Variants in SMARCB1 observed in about 807,000 individuals in gnomAD.
SMARCB1 encodes the protein SWI/SNF-related matrix-associated actin-dependent regulator of chromatin subfamily B member 1.
Under a neutral mutation model 49.0 loss-of-function variants are expected in SMARCB1, and 5 were observed. That is an observed-to-expected ratio of 0.10 (90% CI 0.05 to 0.21). The LOEUF (loss-of-function observed/expected upper bound fraction) is 0.21, where lower values mean the gene tolerates loss of function less well. Among genes scored for constraint, SMARCB1 ranks in the 10% least tolerant of loss-of-function variants. SMARCB1 has a pLI of 1.00. For missense variants in SMARCB1, 226 were observed against 509.2 expected, an observed-to-expected ratio of 0.44 and a Z score of 5.35; for synonymous variants, 201 against 200.1, an observed-to-expected ratio of 1.00 and a Z score of -0.04.
Position 23,834,899 on chromosome 22 carries a change from A to G in SMARCB1, c.*719A>G, listed in dbSNP as rs2146049581. The G allele has an allele frequency of 5.6e-6, 9 of 1,611,848 alleles. No individual in the cohort carries two copies. Among genetic ancestry groups the G allele is most frequent in the Non-Finnish European group, 7.6e-6 (9 of 1,179,626 alleles). On this transcript the variant is annotated 3_prime_UTR_variant, in exon 9 of 9. Transcript: ENST00000644036. ...TCTGCTGTGTCCAGATGGTCAGGCT[A>G]CTGCCAGCTGGGGCCTTGCTGCTCT... is the stretch of plus-strand genomic sequence containing the variant.
chr22:23,808,698 CTTTT>C (rs533109746), intron 5 of SMARCB1, among the ~76,000 whole-genome samples: 1 of 140,682 alleles, frequency 7.1e-6, no homozygotes. Flanking sequence ...ATTGGACATT[CTTTT>C]TTTTTTTTTT....
At chr22:23,811,587 T>G (rs1230796977) in intron 5 of SMARCB1, among the ~76,000 whole-genome samples, 1 of 152,198 alleles carries the variant, frequency 6.6e-6, no homozygotes, top group African/African-American at 2.4e-5. Context: ...AATAACAGAC[T>G]TCTAAATAAT....
At chr22:23,800,417 A>T (rs1487100965) in intron 3 of SMARCB1, among the ~76,000 whole-genome samples, 1 of 152,158 alleles carries the variant, frequency 6.6e-6, no homozygotes, top group Non-Finnish European at 1.5e-5. Flanking sequence ...TGACAGCCTG[A>T]TCATGTCTCT....
intron 7 of SMARCB1, among the ~76,000 whole-genome samples, chr22:23,831,319 T>G (rs1349527063): frequency 6.6e-6 from 1 of 152,260 alleles, no homozygotes; most frequent in South Asian, 2.1e-4. Flanking sequence ...CTCAAGATAC[T>G]CGACCGGCAT....
At position 23,817,152 on chromosome 22, in the gene SMARCB1, G is replaced by C. The variant is rs140624733; in HGVS notation, c.795+216G>C. 1,787 of 604,534 alleles carry C rather than the reference G, an allele frequency of 3.0e-3. 33 individuals are homozygous for C. The highest frequency in any genetic ancestry group is 0.023 in the Admixed American group (818 of 35,802). 37.4% of individuals were successfully genotyped at this position (604,534 alleles called of 1,614,324 possible). Reference sequence around the variant, plus strand: ...AGTGTTATATTCCGGACACATTCAGGGGGTGTCTCTGAGGCACTGCCAGGC... The same window carrying C: ...AGTGTTATATTCCGGACACATTCAGCGGGTGTCTCTGAGGCACTGCCAGGC... On this transcript the variant is annotated intron_variant, in intron 6 of 8. Transcript: ENST00000644036.
At chr22:23,789,148 C>G (rs962097410) in intron 1 of SMARCB1, among the ~76,000 whole-genome samples, 17 of 152,208 alleles carry the variant, frequency 1.1e-4, no homozygotes, top group Non-Finnish European at 2.5e-4. Flanking sequence ...TGTGCCTGGC[C>G]TCCACTAATT....
At chr22:23,833,880 C>G (rs556088704) in intron 8 of SMARCB1, among the ~76,000 whole-genome samples, 177 bp downstream of exon 8, 1 of 152,226 alleles carries the variant, frequency 6.6e-6, no homozygotes, top group South Asian at 2.1e-4. Flanking sequence ...GGGTATGTTT[C>G]CCTGCATGGA....
intron 5 of SMARCB1, among the ~76,000 whole-genome samples, chr22:23,804,814 T>A (rs1326411419): frequency 6.6e-6 from 1 of 152,252 alleles, no homozygotes; most frequent in Non-Finnish European, 1.5e-5. Flanking sequence ...CTGCTGGGAT[T>A]ACAGGCGTGA....
Position 23,834,721 on chromosome 22 carries a change from G to A in SMARCB1, c.*541G>A, listed in dbSNP as rs1009648645. The A allele has an allele frequency of 4.2e-6, 6 of 1,430,472 alleles. No homozygotes were observed. In the African/African-American group the frequency reaches 7.1e-5, roughly 17 times the overall value. 88.6% of individuals were successfully genotyped at this position (1,430,472 alleles called of 1,614,324 possible). A position where few individuals can be genotyped will look rare whatever the true frequency, so the allele number is the denominator to read the frequency against. On this transcript the variant is annotated 3_prime_UTR_variant, in exon 9 of 9. Coordinates refer to ENST00000644036, the MANE Select transcript of SMARCB1 (RefSeq NM_003073.5). ...AGCTCCTCTCAGCTCCCCTCAGCCTGTTCTCCTTCCAGACCCAGAGAGCTG... is the reference window on the plus strand; with the variant it reads ...AGCTCCTCTCAGCTCCCCTCAGCCTATTCTCCTTCCAGACCCAGAGAGCTG...
At position 23,834,798 on chromosome 22, in the gene SMARCB1, A is replaced by G; in HGVS notation, c.*618A>G. Reference sequence around the variant, plus strand: ...AAGAGGCTCTCTGCCTTTCAGGAACAGCCCTAACCCTGCTCCCCTTGCTTG... The same window carrying G: ...AAGAGGCTCTCTGCCTTTCAGGAACGGCCCTAACCCTGCTCCCCTTGCTTG... On this transcript the variant is annotated 3_prime_UTR_variant, in exon 9 of 9. Coordinates refer to ENST00000644036, the MANE Select transcript of SMARCB1 (RefSeq NM_003073.5). 1.9e-6 allele frequency: 3 copies of G among 1,591,070 alleles called. No homozygotes were observed. In the South Asian group the frequency reaches 3.4e-5, roughly 18 times the overall value.
intron 3 of SMARCB1, among the ~76,000 whole-genome samples, chr22:23,798,052 A>G (rs1187063747): frequency 1.3e-5 from 2 of 152,206 alleles, no homozygotes; most frequent in Non-Finnish European, 2.9e-5. Context: ...AGAACTTGCT[A>G]CTGAGATAGG....
At chr22:23,823,674 A>G (rs2030224987) in intron 6 of SMARCB1, 1 of 152,238 alleles carries the variant, frequency 6.6e-6, no homozygotes, top group South Asian at 2.1e-4. Context: ...GCCCGCACGT[A>G]TAGTCGCAGC....
rs556114983 is a variant in SMARCB1, at chr22:23,832,403, G to A, written c.987-1169G>A. Reference sequence around the variant, plus strand: ...AGTGTCCACCTGGCGCCTCCCCCGAGTCCGGCCTGCCCTTGCTTCTCCCAG... The same window carrying A: ...AGTGTCCACCTGGCGCCTCCCCCGAATCCGGCCTGCCCTTGCTTCTCCCAG... On this transcript the variant is annotated intron_variant, in intron 7 of 8. Coordinates refer to ENST00000644036, the MANE Select transcript of SMARCB1 (RefSeq NM_003073.5). 4.6e-5 allele frequency among the ~76,000 whole-genome samples: 7 copies of A among 152,312 alleles called. No homozygotes were observed. In the South Asian group the frequency reaches 1.4e-3, roughly 32 times the overall value.
rs761056928 is a variant in SMARCB1 at position 23,833,614 on chromosome 22, G to A, written c.1029G>A (p.Thr343=). 9.3e-6 allele frequency: 15 copies of A among 1,614,104 alleles called. No homozygotes were observed. Among genetic ancestry groups the A allele is most frequent in the East Asian group, 2.2e-5 (1 of 44,896 alleles). The change falls in exon 8 of 9, where the codon ACG becomes ACA. Residue 343 remains threonine, a synonymous_variant. Transcript: ENST00000644036. The part of the protein sequence containing the change: ...LPTVEIAIRN[T]GDADQWCPLL... ...CAGTGGAGATTGCCATCCGGAACAC[G>A]GGCGATGCGGACCAGTGGTGCCCAC...
intron 5 of SMARCB1, chr22:23,803,836 T>A (rs1929326986): frequency 3.2e-6 from 1 of 314,940 alleles, no homozygotes. Context: ...TAACTGGTCA[T>A]CTCTAGACAT....
chr22:23,797,308 T>A (rs1419021291), intron 3 of SMARCB1, among the ~76,000 whole-genome samples: 11 of 122,420 alleles, frequency 9.0e-5, no homozygotes, highest in Non-Finnish European at 1.4e-4. Context: ...TGTTTTTTTT[T>A]ATTATTATTA....
Position 23,834,175 on chromosome 22 carries a change from T to C in SMARCB1, c.1153T>C (p.Trp385Arg). 1 of 1,591,328 alleles carries C rather than the reference T, an allele frequency of 6.3e-7. No individual in the cohort carries two copies. Among genetic ancestry groups the C allele is most frequent in the East Asian group, 2.3e-5 (1 of 43,402 alleles). ...MRRLANTAPA[W>R] ...GCGTCTTGCCAACACGGCCCCGGCC[T>C]GGTAACCAGCCCATCAGCACACGGC... The change falls in exon 9 of 9, where the codon TGG becomes CGG. Residue 385 changes from tryptophan to arginine, a missense_variant. Physicochemically the swap from Trp to Arg is moderately radical, Grantham distance 101. Transcript: ENST00000644036.
In SMARCB1 at chr22:23,837,582, G is replaced by A; in HGVS notation, c.*3402G>A. On this transcript the variant is annotated 3_prime_UTR_variant, in exon 9 of 9. Coordinates refer to ENST00000644036, the MANE Select transcript of SMARCB1 (RefSeq NM_003073.5). ...GGAGAACTCCAGCAAGGATGGGAGA[G>A]GGGCCCCAGGGCATAAGCAGCGTGT... 6.7e-7 allele frequency: 1 copy of A among 1,481,558 alleles called. No homozygotes were observed. Among genetic ancestry groups the A allele is most frequent in the Non-Finnish European group, 9.1e-7 (1 of 1,093,392 alleles). The allele number at this position is 1,481,558 out of a possible 1,614,324, so 91.8% of individuals were successfully genotyped here.
intron 1 of SMARCB1, among the ~76,000 whole-genome samples, chr22:23,787,767 C>T (rs912403846): frequency 6.6e-6 from 1 of 152,114 alleles, no homozygotes; most frequent in Non-Finnish European, 1.5e-5. Context: ...GGTCTTTTGA[C>T]CTTTGTTTAC....
Sources: allele counts gnomAD v4.1 joint callset (sites outside exome capture counted in the v4.1 genomes callset), GRCh38; gene constraint gnomAD v4.1.1; transcripts MANE v1.5; gene names NCBI Gene and HGNC (gene_info 2026-07-23, HGNC 2026-07-21).